The following MEF2C variants were observed in gnomAD, a reference collection of about 807,000 sequenced individuals.
MEF2C encodes the protein myocyte enhancer factor 2C, also known as myocyte-specific enhancer factor 2C.
MEF2C carries 6 observed loss-of-function variants against 50.5 expected under a neutral mutation model. The ratio of observed to expected loss-of-function variants is 0.12; its 90% CI spans 0.07 to 0.23. MEF2C has a LOEUF of 0.23. Among genes scored for constraint, MEF2C ranks in the 10% least tolerant of loss-of-function variants. MEF2C has a pLI of 1.00. For missense variants in MEF2C, 276 were observed against 605.0 expected, an observed-to-expected ratio of 0.46 and a Z score of 5.70; for synonymous variants, 183 against 228.0, an observed-to-expected ratio of 0.80 and a Z score of 1.78.
intron 3 of MEF2C, among the ~76,000 whole-genome samples, chr5:88,795,051 T>C (rs1458052764): frequency 1.3e-5 from 2 of 152,210 alleles, no homozygotes; most frequent in Non-Finnish European, 1.5e-5. Flanking sequence ...TTTAGCCTTG[T>C]GGTATAGTTT....
At chr5:88,843,769 G>T (rs538815832) in intron 1 of MEF2C, among the ~76,000 whole-genome samples, 1 of 150,216 alleles carries the variant, frequency 6.7e-6, no homozygotes. Context: ...TGGCAACAAC[G>T]TCTTAATTTG....
chr5:88,745,019 G>A (rs994360842), intron 6 of MEF2C, among the ~76,000 whole-genome samples: 3 of 152,176 alleles, frequency 2.0e-5, no homozygotes, highest in African/African-American at 7.2e-5. Context: ...CATTATTTTT[G>A]TGAGTTACAG....
Position 88,771,420 on chromosome 5 carries a change from TTGG to T in MEF2C, c.259-10095_259-10093del, listed in dbSNP as rs1309604136. 1.7e-5 allele frequency: 17 copies of T among 985,382 alleles called. No homozygotes were observed. The East Asian group carries it at 1.5e-3, about 85-fold the overall frequency. 61.0% of individuals were successfully genotyped at this position (985,382 alleles called of 1,614,324 possible). On this transcript the variant is annotated intron_variant, in intron 3 of 10. Coordinates refer to ENST00000504921, the MANE Select transcript of MEF2C (RefSeq NM_002397.5). The stretch of plus-strand genomic sequence containing the variant: ...CCTATTACCTAATGCCCTCACTTAC[TTGG>T]TGAAGCTTTTTCCTAACGCTTGTAG...
intron 1 of MEF2C, among the ~76,000 whole-genome samples, chr5:88,862,409 G>A (rs1379341140): frequency 6.6e-6 from 1 of 152,052 alleles, no homozygotes; most frequent in African/African-American, 2.4e-5. Flanking sequence ...ATAAGATCAT[G>A]GTTTGCTATG....
intron 3 of MEF2C, among the ~76,000 whole-genome samples, chr5:88,777,045 T>C (rs1028963407): frequency 6.6e-6 from 1 of 152,224 alleles, no homozygotes; most frequent in Admixed American, 6.5e-5. Flanking sequence ...TCCATGGAAA[T>C]GTACTGCAAA....
In MEF2C at chr5:88,740,694, C is replaced by T. The variant is rs577617237; in HGVS notation, c.637+8376G>A. ...CTCCAGTACAAAAAAAAAAAAAACC[C>T]AAATATCATTCTCCTTTGGGTACTG... On this transcript the variant is annotated intron_variant, in intron 6 of 10. Transcript: ENST00000504921. The T allele has an allele frequency of 2.2e-5, 22 of 980,636 alleles. No individual in the cohort carries two copies. The Admixed American group carries it at 3.7e-4, about 17-fold the overall frequency. 60.7% of individuals were successfully genotyped at this position (980,636 alleles called of 1,614,324 possible).
At chr5:88,821,751 G>T (rs749766725) in intron 2 of MEF2C, among the ~76,000 whole-genome samples, 77 of 151,846 alleles carry the variant, frequency 5.1e-4, no homozygotes, top group Non-Finnish European at 8.8e-4. Flanking sequence ...GTTACTATAG[G>T]CTGGGAAGGG....
Position 88,751,878 on chromosome 5 carries a change from G to A in MEF2C, c.568C>T (p.Pro190Ser). Residue 190 changes from proline to serine, a missense_variant, in exon 5 of 11, where the codon CCT (proline) becomes TCT (serine). Pro to Ser is a moderately conservative substitution (Grantham distance 74, BLOSUM62 -1). This residue lies in a region of MEF2C where 256 missense variants were observed against 468.1 expected (regional missense o/e 0.55). Coordinates refer to ENST00000504921, the MANE Select transcript of MEF2C (RefSeq NM_002397.5). ...ATACCTGTGTTACCTGCACTTGGAG[G>A]TCGATGTGTTACACCAGGAGACATA... ...NSMSPGVTHR[P>S]PSAGNTGGLM... 6.2e-7 allele frequency: 1 copy of A among 1,613,886 alleles called. No homozygotes were observed. The highest frequency in any genetic ancestry group is 8.5e-7 in the Non-Finnish European group (1 of 1,179,836).
At chr5:88,738,815 C>T (rs141870597) in intron 6 of MEF2C, 12 of 985,184 alleles carry the variant, frequency 1.2e-5, no homozygotes, top group Non-Finnish European at 1.4e-5. Flanking sequence ...TCAGAAGACA[C>T]TGAATTCTCA....
chr5:88,751,907 T>C lies in MEF2C; in HGVS notation c.539A>G (p.Asn180Ser), dbSNP rs2152524759. The C allele has an allele frequency of 1.9e-6, 3 of 1,614,016 alleles. No individual in the cohort carries two copies. Among genetic ancestry groups the C allele is most frequent in the Admixed American group, 1.7e-5 (1 of 60,034 alleles). The change falls in exon 5 of 11, where the codon AAT becomes AGT. Residue 180 changes from asparagine to serine, a missense_variant. Asn to Ser is a conservative substitution (Grantham distance 46, BLOSUM62 1). Transcript: ENST00000504921. ...LPLAHPSLQR[N>S]SMSPGVTHRP... ...ATGTGTTACACCAGGAGACATACTATTCCTCTGCAGAGAAGGGTGAGCCAG... is the reference window on the plus strand; with the variant it reads ...ATGTGTTACACCAGGAGACATACTACTCCTCTGCAGAGAAGGGTGAGCCAG...
chr5:88,823,365 C>T (rs1189692645), intron 2 of MEF2C, among the ~76,000 whole-genome samples: 1 of 151,848 alleles, frequency 6.6e-6, no homozygotes, highest in Non-Finnish European at 1.5e-5. Flanking sequence ...AAGTGAATGA[C>T]CACAAAAGGT....
Position 88,730,299 on chromosome 5 carries a change from T to C in MEF2C, c.811-65A>G, listed in dbSNP as rs904807532. On this transcript the variant is annotated intron_variant, in intron 7 of 10. Transcript: ENST00000504921. The stretch of plus-strand genomic sequence containing the variant: ...TAAATATTTATAATTGGGCAAAATC[T>C]TTTCAACAAAAGGAAAAGCATCTTC... 2.4e-5 allele frequency: 37 copies of C among 1,525,032 alleles called. No individual in the cohort carries two copies. In the Admixed American group the frequency reaches 7.3e-4, roughly 30 times the overall value. 94.5% of individuals were successfully genotyped at this position (1,525,032 alleles called of 1,614,324 possible).
chr5:88,751,614 A>G, intron 5 of MEF2C: 1 of 846,670 alleles, frequency 1.2e-6, no homozygotes, highest in Admixed American at 6.2e-5. Flanking sequence ...GTTAAAATAT[A>G]GCCACAGGAG....
At chr5:88,746,443 T>C in intron 6 of MEF2C, 2 of 705,150 alleles carry the variant, frequency 2.8e-6, no homozygotes, top group Non-Finnish European at 3.4e-6. Context: ...CCCTCTCACT[T>C]TTTTTTTTTT....
At chr5:88,899,007 A>G (rs761312300) in intron 1 of MEF2C, among the ~76,000 whole-genome samples, 3 of 152,186 alleles carry the variant, frequency 2.0e-5, no homozygotes, top group South Asian at 2.1e-4. Flanking sequence ...TGTGGAGAAT[A>G]TCTTTCTAAG....
intron 1 of MEF2C, chr5:88,824,332 C>G: frequency 1.0e-6 from 1 of 984,948 alleles, no homozygotes; most frequent in Non-Finnish European, 1.2e-6. Context: ...AGTAGGGCAG[C>G]TAATTCATTT....
Position 88,717,913 on chromosome 5 carries a change from T to C in MEF2C, c.*4691A>G, listed in dbSNP as rs1755148197. On this transcript the variant is annotated 3_prime_UTR_variant, in exon 11 of 11. Coordinates refer to ENST00000504921, the MANE Select transcript of MEF2C (RefSeq NM_002397.5). The stretch of plus-strand genomic sequence containing the variant: ...TAAAAAATAACTTATGGTACTGCTT[T>C]TCACAGTGGCTTTTGAAAAATTCTG... The C allele has an allele frequency of 3.3e-5, 5 of 152,218 alleles. No homozygotes were observed. The South Asian group carries it at 1.0e-3, about 31-fold the overall frequency. 9.4% of individuals were successfully genotyped at this position (152,218 alleles called of 1,614,324 possible). A position where few individuals can be genotyped will look rare whatever the true frequency, so the allele number is the denominator to read the frequency against.
chr5:88,886,297 T>G (rs1023109254), upstream of MEF2C, among the ~76,000 whole-genome samples: 1 of 152,246 alleles, frequency 6.6e-6, no homozygotes, highest in African/African-American at 2.4e-5. Flanking sequence ...TAAATACTTC[T>G]GGACTTTTGG....
chr5:88,732,817 T>A (rs1429672302), intron 6 of MEF2C, among the ~76,000 whole-genome samples: 2 of 152,170 alleles, frequency 1.3e-5, no homozygotes, highest in Admixed American at 6.5e-5. Context: ...GAAGGGAGAA[T>A]AAGAGAACTC....
Sources: gnomAD v4.1 joint callset for allele counts (sites outside exome capture counted in the v4.1 genomes callset) on GRCh38, gnomAD v4.1.1 for gene constraint, gnomAD v4.1.1 regional missense constraint, MANE v1.5 for transcripts, NCBI Gene and HGNC (gene_info 2026-07-23, HGNC 2026-07-21) for gene names.